Variants in MAPK9 observed in about 807,000 individuals in gnomAD.
MAPK9 encodes mitogen-activated protein kinase 9.
MAPK9 carries 30 observed loss-of-function variants against 57.1 expected under a neutral mutation model. That is an observed-to-expected ratio of 0.53 (90% CI 0.39 to 0.71). The LOEUF (loss-of-function observed/expected upper bound fraction) is 0.71. Among genes scored for constraint, MAPK9 ranks in the 30% least tolerant of loss-of-function variants. The probability of loss-of-function intolerance (pLI) is 0.00; values close to 1 mark genes in which losing one functional copy is unlikely to be tolerated. For missense variants in MAPK9, 362 were observed against 521.0 expected, an observed-to-expected ratio of 0.69 and a Z score of 2.97; for synonymous variants, 155 against 177.0, an observed-to-expected ratio of 0.88 and a Z score of 0.99.
At chr5:180,280,173 A>G (rs1762195575) in intron 2 of MAPK9, 2 of 492,120 alleles carry the variant, frequency 4.1e-6, no homozygotes, top group African/African-American at 3.9e-5. Flanking sequence ...ATGACAGGAG[A>G]AATGAAAAAA....
intron 7 of MAPK9, chr5:180,245,955 G>C (rs1441269260): frequency 6.6e-6 from 1 of 152,196 alleles, no homozygotes; most frequent in Non-Finnish European, 1.5e-5. Flanking sequence ...GTTAAACTCT[G>C]TGTGGCTTTT....
intron 2 of MAPK9, among the ~76,000 whole-genome samples, chr5:180,272,693 C>T (rs938910814): frequency 1.3e-5 from 2 of 152,180 alleles, no homozygotes; most frequent in Admixed American, 1.3e-4. Context: ...GCTATAACTC[C>T]TTCCATCATT....
At chr5:180,248,327 C>G (rs1291513829) in intron 6 of MAPK9, among the ~76,000 whole-genome samples, 1 of 152,248 alleles carries the variant, frequency 6.6e-6, no homozygotes, top group Non-Finnish European at 1.5e-5. Flanking sequence ...AGGGTGGGAA[C>G]ACAAGCTACA....
At chr5:180,262,297 T>C (rs1760056950) in intron 4 of MAPK9, among the ~76,000 whole-genome samples, 1 of 152,144 alleles carries the variant, frequency 6.6e-6, no homozygotes, top group South Asian at 2.1e-4. Context: ...AAAGTGATTA[T>C]ACAACAACAA....
chr5:180,266,960 G>A (rs33971908), intron 3 of MAPK9, among the ~76,000 whole-genome samples: 3 of 152,100 alleles, frequency 2.0e-5, no homozygotes, highest in African/African-American at 4.8e-5. Context: ...AACAACAGGC[G>A]GCTGGCAGTC....
chr5:180,261,878 C>T lies in MAPK9; in HGVS notation c.312-56G>A, dbSNP rs1159428737. ...AAAATTATCCAAAGTTCCTTTATGA[C>T]TAAATTTCATGAAACTGTAACTTAC... On this transcript the variant is annotated intron_variant, in intron 4 of 11. Coordinates refer to ENST00000452135, the MANE Select transcript of MAPK9 (RefSeq NM_002752.5). 5.4e-6 allele frequency: 8 copies of T among 1,469,482 alleles called. No homozygotes were observed. The African/African-American group carries it at 1.1e-4, about 21-fold the overall frequency. The allele number at this position is 1,469,482 out of a possible 1,614,324, so 91.0% of individuals were successfully genotyped here.
chr5:180,261,348 T>G (rs541519561), intron 5 of MAPK9, among the ~76,000 whole-genome samples: 2 of 152,266 alleles, frequency 1.3e-5, no homozygotes, highest in Non-Finnish European at 2.9e-5. Flanking sequence ...CAGGTGAATG[T>G]AGATAAATGG....
At chr5:180,290,963 G>C (rs1763174796) in intron 1 of MAPK9, among the ~76,000 whole-genome samples, 1 of 152,232 alleles carries the variant, frequency 6.6e-6, no homozygotes, top group Admixed American at 6.5e-5. Flanking sequence ...CCAGATGAGA[G>C]CTAGGAAGGA....
intron 5 of MAPK9, 112 bp downstream of exon 5, chr5:180,261,572 T>G: frequency 9.8e-7 from 1 of 1,019,262 alleles, no homozygotes; most frequent in Non-Finnish European, 1.4e-6. Flanking sequence ...GATTCCATCA[T>G]CTATTTGGAT....
intron 4 of MAPK9, among the ~76,000 whole-genome samples, chr5:180,264,450 C>T (rs978029258): frequency 1.3e-5 from 2 of 152,150 alleles, no homozygotes; most frequent in African/African-American, 4.8e-5. Flanking sequence ...TTAAGTAATA[C>T]TCATAAACTC....
At position 180,247,416 on chromosome 5, in the gene MAPK9, G is replaced by A. The variant is rs763958078; in HGVS notation, c.688+23C>T. Reference sequence around the variant, plus strand: ...TGAGGCATTAAGAAAGCATGGCGGGGCCAAGGTCGCGGGGAAGGATACGGT... The same window carrying A: ...TGAGGCATTAAGAAAGCATGGCGGGACCAAGGTCGCGGGGAAGGATACGGT... On this transcript the variant is annotated intron_variant, in intron 7 of 11. Transcript: ENST00000452135. The surrounding 1 kb of genome is among the most constrained non-coding windows in gnomAD (Gnocchi z 4.5). 1.2e-6 allele frequency: 2 copies of A among 1,614,152 alleles called. No individual in the cohort carries two copies. Among genetic ancestry groups the A allele is most frequent in the Admixed American group, 1.7e-5 (1 of 60,024 alleles).
intron 9 of MAPK9, among the ~76,000 whole-genome samples, chr5:180,240,470 CA>C (rs1267980632): frequency 6.6e-6 from 1 of 152,182 alleles, no homozygotes; most frequent in African/African-American, 2.4e-5. Flanking sequence ...AAACTGATGG[CA>C]AAACCACAGG....
chr5:180,254,774 G>A (rs1258247369), intron 5 of MAPK9, among the ~76,000 whole-genome samples: 2 of 152,210 alleles, frequency 1.3e-5, no homozygotes, highest in Non-Finnish European at 2.9e-5. Context: ...AGTGGCTCAT[G>A]CCTGTAATCC....
intron 3 of MAPK9, among the ~76,000 whole-genome samples, chr5:180,266,894 G>A (rs878889781): frequency 2.6e-5 from 4 of 152,294 alleles, no homozygotes; most frequent in East Asian, 1.9e-4. Flanking sequence ...AAATTCAGGC[G>A]TTAGAATGTT....
rs1368739962 is a variant in MAPK9, at chr5:180,235,082, A to C, written c.*1302T>G. ...TACTCAGCATCTTCATGAATTCTGAATAATTTACTGATCGTAAAGTCTAAA... is the reference window on the plus strand; with the variant it reads ...TACTCAGCATCTTCATGAATTCTGACTAATTTACTGATCGTAAAGTCTAAA... On this transcript the variant is annotated 3_prime_UTR_variant, in exon 12 of 12. Transcript: ENST00000452135. 6.6e-6 allele frequency: 1 copy of C among 152,266 alleles called. No individual in the cohort carries two copies. Among genetic ancestry groups the C allele is most frequent in the Non-Finnish European group, 1.5e-5 (1 of 68,054 alleles). 9.4% of individuals were successfully genotyped at this position (152,266 alleles called of 1,614,324 possible).
rs970858833 is a variant in MAPK9, at chr5:180,276,339, G to T, written c.122+4101C>A. Among the ~76,000 whole-genome samples, 9 of 152,088 alleles carry T rather than the reference G, an allele frequency of 5.9e-5. 1 individual carries two copies. The highest frequency in any genetic ancestry group is 4.1e-4 in the South Asian group (2 of 4,828). ...TCTAAGAACCGCCAGACTCAATATT[G>T]AACACTTTTTTAAAGGTTAAGCATT... On this transcript the variant is annotated intron_variant, in intron 2 of 11. Coordinates refer to ENST00000452135, the MANE Select transcript of MAPK9 (RefSeq NM_002752.5).
At chr5:180,282,615 C>T (rs1172971344) in intron 1 of MAPK9, among the ~76,000 whole-genome samples, 2 of 152,288 alleles carry the variant, frequency 1.3e-5, no homozygotes, top group African/African-American at 2.4e-5. Context: ...CCAGACACAG[C>T]GAACTGCTGA....
chr5:180,268,173 C>T (rs372604975), intron 3 of MAPK9, among the ~76,000 whole-genome samples: 4 of 152,132 alleles, frequency 2.6e-5, no homozygotes, highest in Non-Finnish European at 5.9e-5. Context: ...TAATGCTCAG[C>T]GACCACTAGG....
At chr5:180,285,632 C>G (rs1762669500) in intron 1 of MAPK9, among the ~76,000 whole-genome samples, 1 of 152,116 alleles carries the variant, frequency 6.6e-6, no homozygotes, top group African/African-American at 2.4e-5. Flanking sequence ...TTAAATTGTT[C>G]TGTTTTCCAG....
Sources: gnomAD v4.1 joint callset for allele counts (sites outside exome capture counted in the v4.1 genomes callset) on GRCh38, gnomAD v4.1.1 for gene constraint, Gnocchi (gnomAD v3.1) non-coding constraint, MANE v1.5 for transcripts, NCBI Gene and HGNC (gene_info 2026-07-23, HGNC 2026-07-21) for gene names.